MAGI2: variants seen among roughly 807,000 people sequenced by gnomAD.
MAGI2 encodes the protein membrane associated guanylate kinase, WW and PDZ domain containing 2.
MAGI2 carries 35 observed loss-of-function variants against 133.3 expected under a neutral mutation model. The ratio of observed to expected loss-of-function variants is 0.26; its 90% CI spans 0.20 to 0.35. MAGI2 has a LOEUF of 0.35. Among genes scored for constraint, MAGI2 ranks in the 10% least tolerant of loss-of-function variants. MAGI2 has a pLI of 1.00. For missense variants in MAGI2, 1,636 were observed against 1,863.4 expected (o/e 0.88, Z 2.25); for synonymous variants, 729 against 710.6 (o/e 1.03, Z -0.41).
intron 1 of MAGI2, among the ~76,000 whole-genome samples, chr7:79,422,020 G>A (rs1846992928): frequency 6.6e-6 from 1 of 151,968 alleles, no homozygotes; most frequent in Non-Finnish European, 1.5e-5. Flanking sequence ...CAATACGCAA[G>A]CCAGCTGTGC....
intron 1 of MAGI2, among the ~76,000 whole-genome samples, chr7:79,180,551 T>G (rs1166432548): frequency 6.6e-6 from 1 of 151,946 alleles, no homozygotes; most frequent in Non-Finnish European, 1.5e-5. Flanking sequence ...ATTCAACCAC[T>G]TCCCACTGGT....
At chr7:79,049,518 C>A (rs1013664123) in intron 1 of MAGI2, among the ~76,000 whole-genome samples, 3 of 152,120 alleles carry the variant, frequency 2.0e-5, no homozygotes, top group Admixed American at 2.0e-4. Flanking sequence ...TTATTACAGA[C>A]TTGTATCCTA....
intron 21 of MAGI2, among the ~76,000 whole-genome samples, chr7:78,049,856 G>A (rs904917411): frequency 2.0e-5 from 3 of 152,140 alleles, no homozygotes; most frequent in Non-Finnish European, 2.9e-5. Flanking sequence ...TTCAGAAGGG[G>A]CAAATGAGAA....
chr7:79,109,078 T>G (rs1290066653), intron 1 of MAGI2, among the ~76,000 whole-genome samples: 1 of 152,148 alleles, frequency 6.6e-6, no homozygotes, highest in Admixed American at 6.5e-5. Flanking sequence ...GACTATCCAG[T>G]CTCAGTTATT....
intron 2 of MAGI2, among the ~76,000 whole-genome samples, chr7:78,914,291 C>T (rs1327120320): frequency 6.6e-6 from 1 of 152,056 alleles, no homozygotes; most frequent in East Asian, 1.9e-4. Flanking sequence ...TTAAAAATGG[C>T]TCTTCCTGTG....
At chr7:78,918,016 A>G (rs1156265151) in intron 2 of MAGI2, among the ~76,000 whole-genome samples, 1 of 152,036 alleles carries the variant, frequency 6.6e-6, no homozygotes, top group Non-Finnish European at 1.5e-5. Context: ...GTTTTTATAG[A>G]GCTCAATCTC....
intron 21 of MAGI2, among the ~76,000 whole-genome samples, chr7:78,027,640 A>G (rs1027167525): frequency 1.4e-5 from 2 of 142,360 alleles, no homozygotes; most frequent in African/African-American, 5.4e-5. Flanking sequence ...AAAAAAAAAA[A>G]AAAGAAAGAA....
intron 7 of MAGI2, among the ~76,000 whole-genome samples, chr7:78,363,189 G>A (rs1169096671): frequency 1.3e-5 from 2 of 152,108 alleles, no homozygotes; most frequent in African/African-American, 4.8e-5. Flanking sequence ...CTGCAGCTAC[G>A]GAATTGTTAA....
intron 10 of MAGI2, among the ~76,000 whole-genome samples, chr7:78,244,050 A>C (rs1159743622): frequency 6.6e-6 from 1 of 150,768 alleles, no homozygotes; most frequent in African/African-American, 2.4e-5. Context: ...AGGGCCAGGC[A>C]TGGTGGCTCA....
chr7:79,442,390 G>A (rs1848549888), intron 1 of MAGI2, among the ~76,000 whole-genome samples: 1 of 151,980 alleles, frequency 6.6e-6, no homozygotes, highest in African/African-American at 2.4e-5. Context: ...ATCCTCACAT[G>A]CCTAAGTGCC....
chr7:79,392,477 A>T (rs1343042006), intron 1 of MAGI2, among the ~76,000 whole-genome samples: 1 of 152,206 alleles, frequency 6.6e-6, no homozygotes, highest in Admixed American at 6.5e-5. Context: ...TCCCACCAAC[A>T]GTGTAAAAGC....
chr7:78,841,919 T>A (rs1792177444), intron 2 of MAGI2, among the ~76,000 whole-genome samples: 1 of 151,920 alleles, frequency 6.6e-6, no homozygotes, highest in African/African-American at 2.4e-5. Flanking sequence ...GCACCTCACC[T>A]ATGGCAGAGT....
intron 3 of MAGI2, among the ~76,000 whole-genome samples, chr7:78,571,541 T>C (rs989043925): frequency 6.6e-6 from 1 of 152,200 alleles, no homozygotes; most frequent in African/African-American, 2.4e-5. Flanking sequence ...ATCTGCAAAG[T>C]ACTTTCAGTC....
chr7:78,608,489 G>A (rs541826057), intron 3 of MAGI2, among the ~76,000 whole-genome samples: 404 of 150,120 alleles, frequency 2.7e-3, no homozygotes, highest in African/African-American at 9.5e-3. Flanking sequence ...ATATATATAC[G>A]TATATATAGA....
intron 1 of MAGI2, among the ~76,000 whole-genome samples, chr7:79,184,451 CAT>C (rs1826888987): frequency 6.6e-6 from 1 of 150,712 alleles, no homozygotes; most frequent in African/African-American, 2.4e-5. Flanking sequence ...AATAAAATAA[CAT>C]AAAAAATCAA....
At chr7:78,305,676 G>C (rs933125771) in intron 9 of MAGI2, among the ~76,000 whole-genome samples, 5 of 152,130 alleles carry the variant, frequency 3.3e-5, no homozygotes, top group African/African-American at 1.2e-4. Context: ...GAATCCTCTA[G>C]AAGGGCAACT....
At chr7:78,391,163 T>C (rs182347522) in intron 6 of MAGI2, among the ~76,000 whole-genome samples, 1 of 152,340 alleles carries the variant, frequency 6.6e-6, no homozygotes, top group East Asian at 1.9e-4. Context: ...ACATCGCTCT[T>C]CAGTCAGAGT....
At chr7:78,611,745 T>C (rs533931617) in intron 3 of MAGI2, among the ~76,000 whole-genome samples, 1 of 152,240 alleles carries the variant, frequency 6.6e-6, no homozygotes, top group African/African-American at 2.4e-5. Flanking sequence ...AACAGTGCAG[T>C]AGTATGATTG....
At chr7:79,426,920 G>A (rs1016799661) in intron 1 of MAGI2, among the ~76,000 whole-genome samples, 1 of 152,040 alleles carries the variant, frequency 6.6e-6, no homozygotes, top group Non-Finnish European at 1.5e-5. Flanking sequence ...CAACCTGTAT[G>A]CCTGGATGGT....
Sources: gnomAD v4.1 joint callset for allele counts (sites outside exome capture counted in the v4.1 genomes callset) on GRCh38, gnomAD v4.1.1 for gene constraint, MANE v1.5 for transcripts, NCBI Gene and HGNC (gene_info 2026-07-23, HGNC 2026-07-21) for gene names.